PAX8: variants seen among roughly 807,000 people sequenced by gnomAD.
The protein encoded by PAX8 is paired box protein Pax-8.
In PAX8, 15 loss-of-function variants were observed where a neutral mutation model predicts 52.4. That is an observed-to-expected ratio of 0.29 (90% CI 0.19 to 0.44). PAX8 has a LOEUF of 0.44. Ranked by LOEUF, PAX8 falls within the 20% of genes least tolerant of loss-of-function variation. PAX8 has a pLI of 1.00. For missense variants in PAX8, 554 were observed against 602.5 expected (o/e 0.92, Z 0.84); for synonymous variants, 284 against 249.7 (o/e 1.14, Z -1.29).
chr2:113,272,342 T>C (rs1216039794), intron 2 of PAX8: 1 of 152,178 alleles, frequency 6.6e-6, no homozygotes, highest in Non-Finnish European at 1.5e-5. Flanking sequence ...GTGGCTTATA[T>C]AAGAGAAATT....
At position 113,241,740 on chromosome 2, in the gene PAX8, G is replaced by T. The variant is rs1274991184; in HGVS notation, c.602-14C>A. 1 of 1,613,588 alleles carries T rather than the reference G, an allele frequency of 6.2e-7. No individual in the cohort carries two copies. The highest frequency in any genetic ancestry group is 1.7e-5 in the Admixed American group (1 of 60,000). ...TATCCTGATCACCTGGTACCCCCCG[G>T]GAAGGAAGAAAGCTTTTAGGGGACC... On this transcript the variant is annotated splice_polypyrimidine_tract_variant and intron_variant, in intron 6 of 11. Transcript: ENST00000429538.
At chr2:113,248,083 C>CA in intron 2 of PAX8, among the ~76,000 whole-genome samples, 1 of 152,162 alleles carries the variant, frequency 6.6e-6, no homozygotes, top group Admixed American at 6.5e-5. Context: ...TGCAAAGACT[C>CA]AGAGGCAAGA....
At position 113,246,847 on chromosome 2, in the gene PAX8, C is replaced by T. The variant is rs368109291; in HGVS notation, c.98G>A (p.Arg33His). Residue 33 changes from arginine (R) to histidine (H), a missense_variant, in exon 3 of 12, where the codon CGC becomes CAC. Physicochemically the swap from Arg to His is conservative, Grantham distance 29 (BLOSUM62 0). Transcript: ENST00000429538. ...GRPLPEVVRQRIVDLAHQGVR... is the reference protein window; with the variant it reads ...GRPLPEVVRQHIVDLAHQGVR... Reference sequence around the variant, plus strand: ...ACCCTGGTGGGCCAGGTCTACGATGCGCTGGCGGACCACTTCCGGCAGAGG... The same window carrying T: ...ACCCTGGTGGGCCAGGTCTACGATGTGCTGGCGGACCACTTCCGGCAGAGG... 1.5e-5 allele frequency: 24 copies of T among 1,614,026 alleles called. No individual in the cohort carries two copies. The highest frequency in any genetic ancestry group is 3.3e-5 in the Admixed American group (2 of 60,012).
At chr2:113,270,973 A>G (rs1693425026) in intron 2 of PAX8, 1 of 152,236 alleles carries the variant, frequency 6.6e-6, no homozygotes. Context: ...TACTTTCTAC[A>G]TGAAAAAGTG....
intron 3 of PAX8, 59 bp downstream of exon 3, chr2:113,246,695 A>C: frequency 6.4e-7 from 1 of 1,559,634 alleles, no homozygotes; most frequent in Non-Finnish European, 8.8e-7. Context: ...CTGCCCTGAG[A>C]TCAGCTGGAG....
intron 9 of PAX8, 30 bp from the exon 10 acceptor site, chr2:113,227,286 T>G (rs1210133488): frequency 1.3e-6 from 2 of 1,550,590 alleles, no homozygotes; most frequent in East Asian, 4.6e-5. Context: ...AGTCGTCAGT[T>G]GGACCATGGG....
At chr2:113,252,415 T>A (rs1261072577) in intron 2 of PAX8, among the ~76,000 whole-genome samples, 1 of 152,222 alleles carries the variant, frequency 6.6e-6, no homozygotes, top group African/African-American at 2.4e-5. Flanking sequence ...GGTGCCTTTC[T>A]GGAGTAAAGG....
chr2:113,252,268 C>T (rs540295939), intron 2 of PAX8, among the ~76,000 whole-genome samples: 6 of 152,284 alleles, frequency 3.9e-5, no homozygotes, highest in African/African-American at 1.4e-4. Context: ...CAGGCCTATA[C>T]GCCTTCCACA....
intron 9 of PAX8, among the ~76,000 whole-genome samples, chr2:113,229,392 A>G (rs1689760704): frequency 6.6e-6 from 1 of 152,282 alleles, no homozygotes; most frequent in African/African-American, 2.4e-5. Flanking sequence ...CAATGGACAC[A>G]TTCTAGAAAT....
intron 7 of PAX8, chr2:113,240,897 A>G (rs995549603): frequency 3.1e-5 from 5 of 160,272 alleles, no homozygotes; most frequent in African/African-American, 9.7e-5. Context: ...ATTAAGTGAC[A>G]CTGTGAGAAG....
chr2:113,240,694 G>A (rs1015362544), intron 7 of PAX8: 1 of 152,322 alleles, frequency 6.6e-6, no homozygotes, highest in African/African-American at 2.4e-5. Flanking sequence ...AGAAAAATTC[G>A]CTGTAGCTTG....
intron 9 of PAX8, among the ~76,000 whole-genome samples, chr2:113,229,743 A>C (rs951948985): frequency 6.6e-6 from 1 of 152,148 alleles, no homozygotes; most frequent in Admixed American, 6.5e-5. Context: ...ATACAACACA[A>C]TCGACCCTCA....
At position 113,220,892 on chromosome 2, in the gene PAX8, A is replaced by T. The variant is rs550572902; in HGVS notation, c.1190-714T>A. ...TATAAATTTACACAAAGTAAATCAG[A>T]TCACCTCCTTCTGTTAATGGATTCT... On this transcript the variant is annotated intron_variant, in intron 10 of 11. Transcript: ENST00000429538. Among the ~76,000 whole-genome samples the T allele has an allele frequency of 1.2e-4, 18 of 152,334 alleles. No homozygotes were observed. The South Asian group carries it at 3.7e-3, about 32-fold the overall frequency.
At chr2:113,227,063 T>G in intron 10 of PAX8, 92 bp downstream of exon 10, 1 of 1,536,254 alleles carries the variant, frequency 6.5e-7, no homozygotes, top group Non-Finnish European at 8.7e-7. Context: ...AGTCTATGAA[T>G]AGGGCACAGT....
intron 2 of PAX8, among the ~76,000 whole-genome samples, chr2:113,264,682 T>A (rs1240676075): frequency 6.6e-6 from 1 of 152,178 alleles, no homozygotes; most frequent in African/African-American, 2.4e-5. Context: ...CTAAGTGACA[T>A]TTGTTGGAAC....
chr2:113,225,373 A>T (rs1294562106), intron 10 of PAX8, among the ~76,000 whole-genome samples: 1 of 152,226 alleles, frequency 6.6e-6, no homozygotes, highest in Non-Finnish European at 1.5e-5. Context: ...GATTGCAAGC[A>T]GTGGTAAGAG....
chr2:113,263,948 A>G (rs1692873314), intron 2 of PAX8, among the ~76,000 whole-genome samples: 1 of 152,196 alleles, frequency 6.6e-6, no homozygotes, highest in Non-Finnish European at 1.5e-5. Context: ...AAAAGGAAGT[A>G]AGGAAGAAGG....
In PAX8 at chr2:113,235,503, G is replaced by A. The variant is rs1476333468; in HGVS notation, c.978C>T (p.Ser326=). The A allele has an allele frequency of 6.2e-7, 1 of 1,613,952 alleles. No individual in the cohort carries two copies. The highest frequency in any genetic ancestry group is 8.5e-7 in the Non-Finnish European group (1 of 1,179,846). ...CTTGCTGCAGATCCAAAAAGGCGGA[G>A]CTAGATAAAGAGGAAGGGGTGGAGC... ...SSSSTPSSLS[S]SAFLDLQQVG... The change falls in exon 9 of 12, where the codon AGC becomes AGT. Residue 326 remains serine (S), a synonymous_variant. Transcript: ENST00000429538.
chr2:113,254,676 C>A (rs927336639), intron 2 of PAX8, among the ~76,000 whole-genome samples: 1 of 152,178 alleles, frequency 6.6e-6, no homozygotes, highest in Non-Finnish European at 1.5e-5. Flanking sequence ...CAATGCCTAC[C>A]ACTACCTGAC....
Sources: gnomAD v4.1 joint callset for allele counts (sites outside exome capture counted in the v4.1 genomes callset) on GRCh38, gnomAD v4.1.1 for gene constraint, MANE v1.5 for transcripts, NCBI Gene and HGNC (gene_info 2026-07-23, HGNC 2026-07-21) for gene names.